DCC: variants seen among roughly 807,000 people sequenced by gnomAD.
DCC encodes DCC netrin 1 receptor, also known as netrin receptor DCC.
DCC carries 58 observed loss-of-function variants against 172.5 expected under a neutral mutation model. The observed-to-expected ratio is 0.34, with a 90% confidence interval of 0.27 to 0.42. The LOEUF (loss-of-function observed/expected upper bound fraction) is 0.42. DCC is among the 10% of genes least tolerant of loss of function. DCC has a pLI of 1.00. For missense variants in DCC, 1,740 were observed against 1,791.0 expected, an observed-to-expected ratio of 0.97 and a Z score of 0.51; for synonymous variants, 709 against 644.5, an observed-to-expected ratio of 1.10 and a Z score of -1.52.
At chr18:53,511,883 TG>T (rs1297534448) in intron 27 of DCC, among the ~76,000 whole-genome samples, 1 of 152,014 alleles carries the variant, frequency 6.6e-6, no homozygotes, top group Admixed American at 6.6e-5. Flanking sequence ...GCAGCGAGGC[TG>T]GGGGAGGGGC....
intron 1 of DCC, among the ~76,000 whole-genome samples, chr18:52,405,064 G>A (rs1487272820): frequency 6.6e-6 from 1 of 151,420 alleles, no homozygotes; most frequent in East Asian, 2.0e-4. Flanking sequence ...GTCTATCATT[G>A]TTGGACATTT....
chr18:52,443,862 T>C lies in DCC; in HGVS notation c.91+102984T>C, dbSNP rs546447856. 2.0e-5 allele frequency among the ~76,000 whole-genome samples: 3 copies of C among 152,220 alleles called. No homozygotes were observed. In the South Asian group the frequency reaches 6.2e-4, roughly 32 times the overall value. On this transcript the variant is annotated intron_variant, in intron 1 of 28. Transcript: ENST00000442544. ...GATGATTCAGATGACATGTATGAGTTAGAGACAGAGACGGGAGAAAGAAGA... is the reference window on the plus strand; with the variant it reads ...GATGATTCAGATGACATGTATGAGTCAGAGACAGAGACGGGAGAAAGAAGA...
At chr18:52,911,877 G>C (rs1244635857) in intron 3 of DCC, among the ~76,000 whole-genome samples, 1 of 151,778 alleles carries the variant, frequency 6.6e-6, no homozygotes, top group Admixed American at 6.6e-5. Flanking sequence ...GATTTCTTGT[G>C]CTCCTCTCAT....
At chr18:53,281,771 T>C (rs2056875592) in intron 12 of DCC, among the ~76,000 whole-genome samples, 1 of 151,640 alleles carries the variant, frequency 6.6e-6, no homozygotes, top group South Asian at 2.1e-4. Context: ...GATTTTTTTT[T>C]TTTTTTTTTT....
intron 7 of DCC, among the ~76,000 whole-genome samples, chr18:53,086,005 T>TTATTATTATTATTATTATTATA: frequency 3.7e-5 from 1 of 27,234 alleles, no homozygotes; most frequent in Non-Finnish European, 6.8e-5. Flanking sequence ...CTCCTTCTTC[T>TTATTATTATTATTATTATTATA]CCTTCTCCTT....
intron 1 of DCC, among the ~76,000 whole-genome samples, chr18:52,610,660 G>T (rs187982500): frequency 5.3e-5 from 8 of 152,062 alleles, no homozygotes; most frequent in African/African-American, 1.9e-4. Context: ...AAATATTTTC[G>T]GCTTTGTGAG....
chr18:53,473,274 G>C (rs2045720637), intron 25 of DCC, among the ~76,000 whole-genome samples: 1 of 152,162 alleles, frequency 6.6e-6, no homozygotes, highest in African/African-American at 2.4e-5. Flanking sequence ...TCATGATAAG[G>C]ATGTAATGTA....
intron 7 of DCC, among the ~76,000 whole-genome samples, chr18:53,122,690 G>A (rs376042771): frequency 1.3e-5 from 2 of 151,926 alleles, no homozygotes; most frequent in Admixed American, 6.6e-5. Flanking sequence ...ATTGCCTTGT[G>A]GTCTGACCTG....
At chr18:52,443,191 T>C (rs17827880) in intron 1 of DCC, among the ~76,000 whole-genome samples, 1,545 of 152,306 alleles carry the variant, frequency 0.01, 63 homozygotes, top group Admixed American at 0.067. Flanking sequence ...GATGTTGTTA[T>C]AAGAAATATT....
At chr18:52,563,541 A>T (rs2033087812) in intron 1 of DCC, among the ~76,000 whole-genome samples, 1 of 152,254 alleles carries the variant, frequency 6.6e-6, no homozygotes, top group African/African-American at 2.4e-5. Context: ...TGATCTTTTG[A>T]CATAAAGTTT....
At chr18:52,419,421 A>G (rs896309704) in intron 1 of DCC, 7 of 152,164 alleles carry the variant, frequency 4.6e-5, no homozygotes, top group African/African-American at 1.7e-4. Flanking sequence ...AGTGTCACTG[A>G]GGAAATATTT....
chr18:53,206,630 T>C (rs1008257465), intron 10 of DCC, among the ~76,000 whole-genome samples: 1 of 126,066 alleles, frequency 7.9e-6, no homozygotes, highest in Non-Finnish European at 1.8e-5. Context: ...ATAATACATA[T>C]ATGTATACAT....
At chr18:53,004,580 C>A (rs2143854982) in intron 5 of DCC, among the ~76,000 whole-genome samples, 1 of 152,294 alleles carries the variant, frequency 6.6e-6, no homozygotes, top group South Asian at 2.1e-4. Context: ...ACTCCCCACA[C>A]AACAATAATA....
At chr18:52,857,519 CTA>C (rs1255214050) in intron 2 of DCC, among the ~76,000 whole-genome samples, 1 of 152,040 alleles carries the variant, frequency 6.6e-6, no homozygotes, top group East Asian at 1.9e-4. Context: ...GATTAGAAAA[CTA>C]TAAACTGAAT....
At chr18:53,298,291 C>T (rs1330923912) in intron 12 of DCC, among the ~76,000 whole-genome samples, 1 of 152,032 alleles carries the variant, frequency 6.6e-6, no homozygotes, top group African/African-American at 2.4e-5. Flanking sequence ...AATCCTAGAA[C>T]TTTGGGAGGG....
chr18:52,806,004 G>A (rs2038077247), intron 2 of DCC, among the ~76,000 whole-genome samples: 1 of 152,162 alleles, frequency 6.6e-6, no homozygotes, highest in South Asian at 2.1e-4. Flanking sequence ...CCATGCTTGA[G>A]GTTTAAGGTG....
chr18:52,714,468 G>A (rs150743235), intron 1 of DCC, among the ~76,000 whole-genome samples: 3 of 152,278 alleles, frequency 2.0e-5, no homozygotes, highest in African/African-American at 7.2e-5. Flanking sequence ...TTTAAATGCT[G>A]TAATGTTATA....
chr18:52,499,058 T>G (rs192029460), intron 1 of DCC, among the ~76,000 whole-genome samples: 1 of 152,318 alleles, frequency 6.6e-6, no homozygotes, highest in Admixed American at 6.5e-5. Flanking sequence ...GATGTCCCAT[T>G]GTCACTGTTA....
At chr18:53,178,430 A>G (rs977755992) in intron 8 of DCC, among the ~76,000 whole-genome samples, 1 of 152,192 alleles carries the variant, frequency 6.6e-6, no homozygotes, top group Non-Finnish European at 1.5e-5. Flanking sequence ...TCCTTTCACT[A>G]ATTGCACTTA....
Sources: allele counts gnomAD v4.1 joint callset (sites outside exome capture counted in the v4.1 genomes callset), GRCh38; gene constraint gnomAD v4.1.1; transcripts MANE v1.5; gene names NCBI Gene and HGNC (gene_info 2026-07-23, HGNC 2026-07-21).